The following GLI3 variants were observed in gnomAD, a reference collection of about 807,000 sequenced individuals.
The protein encoded by GLI3 is transcription activator GLI3.
In GLI3, 20 loss-of-function variants were observed where a neutral mutation model predicts 100.8. The ratio of observed to expected loss-of-function variants is 0.20; its 90% CI spans 0.14 to 0.29. The LOEUF is 0.29. GLI3 is among the 10% of genes least tolerant of loss of function. GLI3 has a pLI of 1.00. For synonymous variants in GLI3, 938 were observed against 860.5 expected, an observed-to-expected ratio of 1.09 and a Z score of -1.58; for missense variants, 2,040 against 2,128.5, an observed-to-expected ratio of 0.96 and a Z score of 0.82.
intron 1 of GLI3, among the ~76,000 whole-genome samples, chr7:42,251,959 C>T (rs1176470623): frequency 6.6e-6 from 1 of 151,924 alleles, no homozygotes; most frequent in Non-Finnish European, 1.5e-5. Flanking sequence ...GACAATTCCT[C>T]AAAGAACTGA....
intron 10 of GLI3, among the ~76,000 whole-genome samples, chr7:42,004,349 T>G (rs1459662030): frequency 2.0e-5 from 3 of 152,318 alleles, no homozygotes; most frequent in African/African-American, 7.2e-5. Flanking sequence ...GATAAAATTA[T>G]TCTTACTTAC....
chr7:42,261,911 T>C (rs1287677038), intron 1 of GLI3, among the ~76,000 whole-genome samples: 4 of 143,742 alleles, frequency 2.8e-5, no homozygotes, highest in Non-Finnish European at 6.1e-5. Context: ...TTTCCCTCCC[T>C]TCCTTCCTTC....
intron 2 of GLI3, among the ~76,000 whole-genome samples, chr7:42,180,705 G>A (rs530525315): frequency 6.6e-6 from 1 of 152,346 alleles, no homozygotes; most frequent in East Asian, 1.9e-4. Flanking sequence ...ATTATCTCCT[G>A]TTGGAGTGAA....
At chr7:42,022,411 T>A (rs919054842) in intron 10 of GLI3, among the ~76,000 whole-genome samples, 2 of 151,720 alleles carry the variant, frequency 1.3e-5, no homozygotes, top group Non-Finnish European at 2.9e-5. Context: ...TGGAGGAGGG[T>A]TATCAAGAAA....
chr7:42,019,373 C>T (rs1788868823), intron 10 of GLI3, among the ~76,000 whole-genome samples: 1 of 152,150 alleles, frequency 6.6e-6, no homozygotes. Flanking sequence ...ATTTCAGACA[C>T]CTCAAACATC....
intron 3 of GLI3, among the ~76,000 whole-genome samples, chr7:42,080,611 C>T (rs528487790): frequency 6.6e-6 from 1 of 152,274 alleles, no homozygotes; most frequent in African/African-American, 2.4e-5. Flanking sequence ...ATGGAACTCC[C>T]CTCTTCCAAT....
At chr7:42,039,086 G>T (rs984815970) in intron 7 of GLI3, among the ~76,000 whole-genome samples, 20 of 152,064 alleles carry the variant, frequency 1.3e-4, no homozygotes, top group African/African-American at 4.8e-4. Flanking sequence ...TAAATTATTG[G>T]CAAAAAATTT....
At chr7:42,244,671 G>A (rs1788955029) in intron 1 of GLI3, among the ~76,000 whole-genome samples, 2 of 151,904 alleles carry the variant, frequency 1.3e-5, no homozygotes, top group Non-Finnish European at 2.9e-5. Context: ...TTATCGGAAG[G>A]CTACATCAGA....
At position 42,156,565 on chromosome 7, in the gene GLI3, T is replaced by C. The variant is rs76443620; in HGVS notation, c.125-8097A>G. Among the ~76,000 whole-genome samples, 771 of 152,278 alleles carry C rather than the reference T, an allele frequency of 5.1e-3. 2 individuals are homozygous for C. Among genetic ancestry groups the C allele is most frequent in the Non-Finnish European group, 7.3e-3 (499 of 68,018 alleles). The stretch of plus-strand genomic sequence containing the variant: ...ACAGACCTGAGCAGTTAAGATTCCA[T>C]AACGAGATCCACGGCCAACAGTTAA... On this transcript the variant is annotated intron_variant, in intron 2 of 14. Coordinates refer to ENST00000395925, the MANE Select transcript of GLI3 (RefSeq NM_000168.6).
At chr7:42,056,965 A>T (rs1216761470) in intron 4 of GLI3, among the ~76,000 whole-genome samples, 1 of 146,952 alleles carries the variant, frequency 6.8e-6, no homozygotes, top group Admixed American at 6.7e-5. Flanking sequence ...CAGGGCAATA[A>T]GAGCGAAACT....
intron 10 of GLI3, among the ~76,000 whole-genome samples, chr7:41,990,865 A>AGTGTGTGTGTGTGT (rs57245025): frequency 1.4e-4 from 20 of 142,836 alleles, no homozygotes; most frequent in African/African-American, 5.1e-4. Context: ...GATTAAGGCA[A>AGTGTGTGTGTGTGT]GTGTGTGTGT....
At chr7:42,005,696 C>A (rs531527942) in intron 10 of GLI3, among the ~76,000 whole-genome samples, 1 of 152,210 alleles carries the variant, frequency 6.6e-6, no homozygotes, top group East Asian at 1.9e-4. Context: ...TTAACCACTG[C>A]CCGACGTGGG....
At chr7:42,095,525 A>G (rs1785319557) in intron 3 of GLI3, among the ~76,000 whole-genome samples, 1 of 152,184 alleles carries the variant, frequency 6.6e-6, no homozygotes, top group Non-Finnish European at 1.5e-5. Context: ...GTGGAAGGGA[A>G]ATGAATGGGA....
chr7:42,024,091 G>A (rs1368248319), intron 9 of GLI3, among the ~76,000 whole-genome samples: 3 of 152,164 alleles, frequency 2.0e-5, no homozygotes, highest in African/African-American at 7.2e-5. Context: ...TGGTTTACTA[G>A]TACTTCTAAT....
At chr7:42,097,782 G>A (rs1785372373) in intron 3 of GLI3, among the ~76,000 whole-genome samples, 1 of 152,098 alleles carries the variant, frequency 6.6e-6, no homozygotes, top group South Asian at 2.1e-4. Flanking sequence ...TCCTCTCCAT[G>A]ACAACCTTCA....
In GLI3 at chr7:42,033,925, T is replaced by C. The variant is rs552408538; in HGVS notation, c.1028+6113A>G. 5.9e-5 allele frequency among the ~76,000 whole-genome samples: 9 copies of C among 152,344 alleles called. No individual in the cohort carries two copies. In the East Asian group the frequency reaches 1.7e-3, roughly 29 times the overall value. ...ACACAAAGACCCACATGCTCTTAAGTATCTCAACATTTACATTTAGGCATA... is the reference window on the plus strand; with the variant it reads ...ACACAAAGACCCACATGCTCTTAAGCATCTCAACATTTACATTTAGGCATA... On this transcript the variant is annotated intron_variant, in intron 7 of 14. Transcript: ENST00000395925.
chr7:41,998,306 T>G (rs876504), intron 10 of GLI3, among the ~76,000 whole-genome samples: 5,966 of 152,266 alleles, frequency 0.039, 184 homozygotes, highest in African/African-American at 0.078. Context: ...TGTATTTTCT[T>G]TATACATATT....
chr7:42,136,728 T>C (rs1024687883), intron 3 of GLI3, among the ~76,000 whole-genome samples: 1 of 152,220 alleles, frequency 6.6e-6, no homozygotes, highest in African/African-American at 2.4e-5. Context: ...TCTCTGACAC[T>C]GGGATGCATA....
rs529096845 is a variant in GLI3 at position 42,201,773 on chromosome 7, T to C, written c.124+21357A>G. Among the ~76,000 whole-genome samples the C allele has an allele frequency of 1.1e-3, 165 of 152,058 alleles. 1 individual carries two copies. The highest frequency in any genetic ancestry group is 2.2e-3 in the Non-Finnish European group (149 of 67,992). Reference sequence around the variant, plus strand: ...TTGTGTATCTAAACATAGTTAAACATAGGAAAAGTACAGTAAAAGTACCGT... The same window carrying C: ...TTGTGTATCTAAACATAGTTAAACACAGGAAAAGTACAGTAAAAGTACCGT... On this transcript the variant is annotated intron_variant, in intron 2 of 14. Transcript: ENST00000395925.
Sources: gnomAD v4.1 joint callset for allele counts (sites outside exome capture counted in the v4.1 genomes callset) on GRCh38, gnomAD v4.1.1 for gene constraint, MANE v1.5 for transcripts, NCBI Gene and HGNC (gene_info 2026-07-23, HGNC 2026-07-21) for gene names.